The following DEXI variants were observed in gnomAD, a reference collection of about 807,000 sequenced individuals.
The protein encoded by DEXI is Dexi homolog.
Under a neutral mutation model 2.5 loss-of-function variants are expected in DEXI, and 2 were observed. That is an observed-to-expected ratio of 0.81 (90% CI 0.33 to 2.55). The LOEUF (loss-of-function observed/expected upper bound fraction) is 2.55, where lower values mean the gene tolerates loss of function less well. DEXI is among the 30% of genes most tolerant of loss of function. The probability of loss-of-function intolerance (pLI) is 0.11; values close to 1 mark genes in which losing one functional copy is unlikely to be tolerated. For synonymous variants in DEXI, 71 were observed against 68.7 expected (o/e 1.03, Z -0.17); for missense variants, 108 against 130.3 (o/e 0.83, Z 0.83).
At chr16:10,935,322 T>C (rs1419690711) in intron 1 of DEXI, 1 of 152,238 alleles carries the variant, frequency 6.6e-6, no homozygotes, top group African/African-American at 2.4e-5. Flanking sequence ...GAGGAGAAAG[T>C]TCAGTTTGGT....
Position 10,929,178 on chromosome 16 carries a change from C to T in DEXI, c.*531G>A, listed in dbSNP as rs2040665231. On this transcript the variant is annotated 3_prime_UTR_variant, in exon 2 of 2. Coordinates refer to ENST00000331808, the MANE Select transcript of DEXI (RefSeq NM_014015.4). This position sits in a 1 kb window ranked among gnomAD's most constrained non-coding sequence, Gnocchi z 4.3. ...AAACAGTCGCTGCATCTAAGACCAGCCTCGGGCTAAACCCAGCTGGCCTGA... is the reference window on the plus strand; with the variant it reads ...AAACAGTCGCTGCATCTAAGACCAGTCTCGGGCTAAACCCAGCTGGCCTGA... 1 of 981,826 alleles carries T rather than the reference C, an allele frequency of 1.0e-6. No individual in the cohort carries two copies. The highest frequency in any genetic ancestry group is 1.2e-6 in the Non-Finnish European group (1 of 826,368). The allele number at this position is 981,826 out of a possible 1,614,324, so 60.8% of individuals were successfully genotyped here. A position where few individuals can be genotyped will look rare whatever the true frequency, so the allele number is the denominator to read the frequency against.
chr16:10,931,686 TG>T (rs1232121072), intron 1 of DEXI: 1 of 152,212 alleles, frequency 6.6e-6, no homozygotes, highest in East Asian at 1.9e-4. Context: ...AAGACTAGCC[TG>T]GCCAACATGG....
In DEXI at chr16:10,941,704, C is replaced by T; in HGVS notation, c.*14G>A. 1.3e-6 allele frequency: 2 copies of T among 1,594,338 alleles called. No homozygotes were observed. The highest frequency in any genetic ancestry group is 2.3e-5 in the South Asian group (2 of 87,930). On this transcript the variant is annotated 3_prime_UTR_variant, in exon 1 of 2. Coordinates refer to ENST00000331808, the MANE Select transcript of DEXI (RefSeq NM_014015.4). This position sits in a 1 kb window ranked among gnomAD's most constrained non-coding sequence, Gnocchi z 6.4. ...GCGGATCGTGTAGGGAAGAGGGGAA[C>T]AGCAGTCGAGACCCTACTCCAAGTA...
In DEXI at chr16:10,938,605, T is replaced by C. The variant is rs1030079048; in HGVS notation, c.*149+2964A>G. 6.6e-6 allele frequency: 1 copy of C among 152,208 alleles called. No individual in the cohort carries two copies. Among genetic ancestry groups the C allele is most frequent in the African/African-American group, 2.4e-5 (1 of 41,436 alleles). The allele number at this position is 152,208 out of a possible 1,614,324, so 9.4% of individuals were successfully genotyped here. A position where few individuals can be genotyped will look rare whatever the true frequency, so the allele number is the denominator to read the frequency against. On this transcript the variant is annotated intron_variant, in intron 1 of 1. Transcript: ENST00000331808. This position sits in a 1 kb window ranked among gnomAD's most constrained non-coding sequence, Gnocchi z 4.9. ...CTCGGTCAGATCATCTTGAGGTCTT[T>C]CCTGGCGGCTTCCCTGCTGCTAGCT...
Position 10,929,172 on chromosome 16 carries a change from G to T in DEXI, c.*537C>A. Reference sequence around the variant, plus strand: ...CCCCTGAAACAGTCGCTGCATCTAAGACCAGCCTCGGGCTAAACCCAGCTG... The same window carrying T: ...CCCCTGAAACAGTCGCTGCATCTAATACCAGCCTCGGGCTAAACCCAGCTG... On this transcript the variant is annotated 3_prime_UTR_variant, in exon 2 of 2. Transcript: ENST00000331808. The surrounding 1 kb of genome is among the most constrained non-coding windows in gnomAD (Gnocchi z 4.3). 1 of 976,910 alleles carries T rather than the reference G, an allele frequency of 1.0e-6. No homozygotes were observed. Among genetic ancestry groups the T allele is most frequent in the Non-Finnish European group, 1.2e-6 (1 of 821,894 alleles). The allele number at this position is 976,910 out of a possible 1,614,324, so 60.5% of individuals were successfully genotyped here. A position where few individuals can be genotyped will look rare whatever the true frequency, so the allele number is the denominator to read the frequency against.
intron 1 of DEXI, chr16:10,932,160 A>G (rs1396079784): frequency 6.6e-6 from 1 of 152,036 alleles, no homozygotes; most frequent in Non-Finnish European, 1.5e-5. Context: ...GGGCGGGAGG[A>G]TGTTCTGGGA....
At chr16:10,931,721 C>A (rs1567462131) in intron 1 of DEXI, 1 of 152,088 alleles carries the variant, frequency 6.6e-6, no homozygotes, top group Non-Finnish European at 1.5e-5. Context: ...CTACTAAAAA[C>A]AAACAAACAA....
Position 10,942,193 on chromosome 16 carries a change from C to T in DEXI, c.-188G>A. 1 of 455,304 alleles carries T rather than the reference C, an allele frequency of 2.2e-6. No individual in the cohort carries two copies. Among genetic ancestry groups the T allele is most frequent in the Non-Finnish European group, 3.7e-6 (1 of 272,476 alleles). 28.2% of individuals were successfully genotyped at this position (455,304 alleles called of 1,614,324 possible). On this transcript the variant is annotated 5_prime_UTR_variant, in exon 1 of 2. Transcript: ENST00000331808. The surrounding 1 kb of genome is among the most constrained non-coding windows in gnomAD (Gnocchi z 5.0). ...CCGAAATGCGCCGGGCGGGTCACCG[C>T]ACCCCGAGATGTGCCCCCAAGGATC...
Position 10,940,200 on chromosome 16 carries a change from A to G in DEXI, c.*149+1369T>C, listed in dbSNP as rs1343314125. 3 of 152,242 alleles carry G rather than the reference A, an allele frequency of 2.0e-5. No individual in the cohort carries two copies. Among genetic ancestry groups the G allele is most frequent in the Non-Finnish European group, 2.9e-5 (2 of 68,052 alleles). The allele number at this position is 152,242 out of a possible 1,614,324, so 9.4% of individuals were successfully genotyped here. On this transcript the variant is annotated intron_variant, in intron 1 of 1. Coordinates refer to ENST00000331808, the MANE Select transcript of DEXI (RefSeq NM_014015.4). This position sits in a 1 kb window ranked among gnomAD's most constrained non-coding sequence, Gnocchi z 4.2. ...CAATGTTTGTGTCTCCTCAAACTTC[A>G]TATGTTGAAACTCTGATCCCAAATG...
In DEXI at chr16:10,938,019, A is replaced by T. The variant is rs949048032; in HGVS notation, c.*149+3550T>A. On this transcript the variant is annotated intron_variant, in intron 1 of 1. Transcript: ENST00000331808. The surrounding 1 kb of genome is among the most constrained non-coding windows in gnomAD (Gnocchi z 4.9). ...AGGATATAAATATTCATGCATGAGT[A>T]TAGGTGCAGGTTTGTACATTTGCAA... The T allele has an allele frequency of 6.6e-6, 1 of 152,288 alleles. No individual in the cohort carries two copies. The highest frequency in any genetic ancestry group is 1.5e-5 in the Non-Finnish European group (1 of 68,062). 9.4% of individuals were successfully genotyped at this position (152,288 alleles called of 1,614,324 possible).
chr16:10,930,552 T>C (rs2040741682), intron 1 of DEXI: 1 of 152,150 alleles, frequency 6.6e-6, no homozygotes, highest in South Asian at 2.1e-4. Context: ...TTTAATAGGA[T>C]AAGAAATTGA....
chr16:10,932,262 A>G lies in DEXI; in HGVS notation c.*150-2703T>C, dbSNP rs904844951. The G allele has an allele frequency of 2.6e-5, 4 of 152,380 alleles. No individual in the cohort carries two copies. In the East Asian group the frequency reaches 7.7e-4, roughly 29 times the overall value. The allele number at this position is 152,380 out of a possible 1,614,324, so 9.4% of individuals were successfully genotyped here. Reference sequence around the variant, plus strand: ...TGCAATGGCAGCCTTGGCAAACGCTAAATGAAAATCGTGACAACACTTGTG... The same window carrying G: ...TGCAATGGCAGCCTTGGCAAACGCTGAATGAAAATCGTGACAACACTTGTG... On this transcript the variant is annotated intron_variant, in intron 1 of 1. Transcript: ENST00000331808.
At chr16:10,935,478 C>T (rs767117588) in intron 1 of DEXI, 1 of 152,108 alleles carries the variant, frequency 6.6e-6, no homozygotes, top group Non-Finnish European at 1.5e-5. Flanking sequence ...CCATGCCAAG[C>T]GATGATGATT....
rs1023516086 is a variant in DEXI at position 10,937,374 on chromosome 16, C to T, written c.*149+4195G>A. 2 of 152,378 alleles carry T rather than the reference C, an allele frequency of 1.3e-5. No individual in the cohort carries two copies. The highest frequency in any genetic ancestry group is 1.3e-4 in the Admixed American group (2 of 15,266). 9.4% of individuals were successfully genotyped at this position (152,378 alleles called of 1,614,324 possible). ...CCCTGTGGAAGGTTTGGGTTTCTGA[C>T]CTGGGCAGCTCTATGTCCGGCACAG... On this transcript the variant is annotated intron_variant, in intron 1 of 1. Transcript: ENST00000331808. This position sits in a 1 kb window ranked among gnomAD's most constrained non-coding sequence, Gnocchi z 4.2.
Position 10,942,074 on chromosome 16 carries a change from G to T in DEXI, c.-69C>A. On this transcript the variant is annotated 5_prime_UTR_variant, in exon 1 of 2. Transcript: ENST00000331808. The surrounding 1 kb of genome is among the most constrained non-coding windows in gnomAD (Gnocchi z 5.0). The stretch of plus-strand genomic sequence containing the variant: ...CAGCCGCTGCGGCGCCCGGGCGGCC[G>T]GCGAGGGCACAGCGCAGCCATCCAG... The T allele has an allele frequency of 1.6e-6, 2 of 1,282,988 alleles. No individual in the cohort carries two copies. The highest frequency in any genetic ancestry group is 2.0e-6 in the Non-Finnish European group (2 of 1,002,158). The allele number at this position is 1,282,988 out of a possible 1,614,324, so 79.5% of individuals were successfully genotyped here.
Position 10,934,247 on chromosome 16 carries a change from T to A in DEXI, c.*150-4688A>T, listed in dbSNP as rs529397575. 1 of 152,350 alleles carries A rather than the reference T, an allele frequency of 6.6e-6. No homozygotes were observed. The highest frequency in any genetic ancestry group is 6.5e-5 in the Admixed American group (1 of 15,304). 9.4% of individuals were successfully genotyped at this position (152,350 alleles called of 1,614,324 possible). ...CCTGGACTATTATTTACTTAGTATT[T>A]TAAACCAATGTACTTTTTAAACTCC... On this transcript the variant is annotated intron_variant, in intron 1 of 1. Transcript: ENST00000331808. This position sits in a 1 kb window ranked among gnomAD's most constrained non-coding sequence, Gnocchi z 4.2.
At chr16:10,933,395 T>C (rs1447290447) in intron 1 of DEXI, 1 of 152,282 alleles carries the variant, frequency 6.6e-6, no homozygotes, top group Non-Finnish European at 1.5e-5. Context: ...GGGAATTCTT[T>C]CCTAGAGTTC....
chr16:10,935,326 G>T (rs2040981930), intron 1 of DEXI: 1 of 152,214 alleles, frequency 6.6e-6, no homozygotes, highest in Admixed American at 6.5e-5. Context: ...AGAAAGTTCA[G>T]TTTGGTGCTG....
Position 10,929,112 on chromosome 16 carries a change from C to T in DEXI, c.*597G>A. 2.8e-6 allele frequency: 2 copies of T among 726,744 alleles called. No homozygotes were observed. Among genetic ancestry groups the T allele is most frequent in the Non-Finnish European group, 3.4e-6 (2 of 593,822 alleles). 45.0% of individuals were successfully genotyped at this position (726,744 alleles called of 1,614,324 possible). ...AGCGAGAATCCCACCCTCAGCCCCCCAACAGCTTCCTCAGCTTCTTTTTCT... is the reference window on the plus strand; with the variant it reads ...AGCGAGAATCCCACCCTCAGCCCCCTAACAGCTTCCTCAGCTTCTTTTTCT... On this transcript the variant is annotated 3_prime_UTR_variant, in exon 2 of 2. Transcript: ENST00000331808. This position sits in a 1 kb window ranked among gnomAD's most constrained non-coding sequence, Gnocchi z 4.3.
Sources: gnomAD v4.1 joint callset for allele counts on GRCh38, gnomAD v4.1.1 for gene constraint, Gnocchi (gnomAD v3.1) non-coding constraint, MANE v1.5 for transcripts, NCBI Gene and HGNC (gene_info 2026-07-23, HGNC 2026-07-21) for gene names.